DNAAF3: variants seen among roughly 807,000 people sequenced by gnomAD.
DNAAF3 encodes the protein dynein axonemal assembly factor 3, also known as UPF0470 protein C19orf51.
Under a neutral mutation model 50.9 loss-of-function variants are expected in DNAAF3, and 40 were observed. That is an observed-to-expected ratio of 0.79 (90% confidence interval 0.61 to 1.02). The LOEUF is 1.02. DNAAF3 is among the 50% of genes least tolerant of loss of function. The pLI is 0.00. For synonymous variants in DNAAF3, 327 were observed against 322.8 expected, an observed-to-expected ratio of 1.01 and a Z score of -0.14; for missense variants, 763 against 744.7, an observed-to-expected ratio of 1.02 and a Z score of -0.29.
Position 55,165,954 on chromosome 19 carries a change from G to T in DNAAF3, c.132C>A (p.Asn44Lys), listed in dbSNP as rs929924324. Residue 44 changes from asparagine to lysine, a missense_variant, in exon 3 of 12, where the codon AAC becomes AAA. Coordinates refer to ENST00000524407, the MANE Select transcript of DNAAF3 (RefSeq NM_001256715.2). ...CCAGAAGCAGCACATCTAGCTCGGG[G>T]TTGCTGTGCACTGTATCGGCCTGGG... ...PDSQADTVHS[N>K]PELDVLLLGS... 3 of 1,614,108 alleles carry T rather than the reference G, an allele frequency of 1.9e-6. No homozygotes were observed. The African/African-American group carries it at 4.0e-5, about 22-fold the overall frequency.
chr19:55,161,679 G>T lies in DNAAF3; in HGVS notation c.627C>A (p.Ser209Arg), dbSNP rs1486066268. The T allele has an allele frequency of 1.3e-6, 2 of 1,539,730 alleles. No individual in the cohort carries two copies. Among genetic ancestry groups the T allele is most frequent in the South Asian group, 1.2e-5 (1 of 83,912 alleles). Residue 209 changes from serine (S) to arginine (R), a missense_variant, in exon 6 of 12, where the codon AGC becomes AGA. By Grantham distance (110) the Ser-to-Arg change is moderately radical. Transcript: ENST00000524407. The surrounding 1 kb of genome is among the most constrained non-coding windows in gnomAD (Gnocchi z 6.4). ...GSRYDARRGVSDWDLRMKLHD... is the reference protein window; with the variant it reads ...GSRYDARRGVRDWDLRMKLHD... Reference sequence around the variant, plus strand: ...GCAGCTTCATGCGCAGGTCCCAGTCGCTGACACCGCGCCGGGCGTCGTAGC... The same window carrying T: ...GCAGCTTCATGCGCAGGTCCCAGTCTCTGACACCGCGCCGGGCGTCGTAGC...
chr19:55,159,372 A>C lies in DNAAF3; in HGVS notation c.1316T>G (p.Phe439Cys), dbSNP rs1187167786. 6.2e-7 allele frequency: 1 copy of C among 1,614,062 alleles called. No homozygotes were observed. Among genetic ancestry groups the C allele is most frequent in the Non-Finnish European group, 8.5e-7 (1 of 1,180,038 alleles). The change falls in exon 12 of 12, where the codon TTT (phenylalanine) becomes TGT (cysteine). Residue 439 changes from phenylalanine to cysteine, a missense_variant. By Grantham distance (205) the Phe-to-Cys change is radical. Coordinates refer to ENST00000524407, the MANE Select transcript of DNAAF3 (RefSeq NM_001256715.2). ...RVRELAQAAG[F>C]APQTGARPSE... ...AGGCCTGGCCCCGGTCTGTGGAGCAAATCCAGCTGCCTGAGCTAGCTCCCT... is the reference window on the plus strand; with the variant it reads ...AGGCCTGGCCCCGGTCTGTGGAGCACATCCAGCTGCCTGAGCTAGCTCCCT...
chr19:55,163,323 T>TC (rs1348880893), intron 4 of DNAAF3, among the ~76,000 whole-genome samples: 1 of 141,044 alleles, frequency 7.1e-6, no homozygotes, highest in African/African-American at 2.7e-5. Context: ...TTTTTTTTTT[T>TC]TTTTTTTTGT....
At chr19:55,162,418 C>G in intron 4 of DNAAF3, 128 bp from the exon 5 acceptor site, 1 of 1,081,312 alleles carries the variant, frequency 9.2e-7, no homozygotes. Flanking sequence ...CCCACGCATC[C>G]CAAAAACTAC....
intron 4 of DNAAF3, 120 bp from the exon 5 acceptor site, chr19:55,162,410 C>G: frequency 8.9e-7 from 1 of 1,120,766 alleles, no homozygotes. Context: ...GCAAACTCCC[C>G]ACGCATCCCA....
Position 55,160,529 on chromosome 19 carries a change from A to C in DNAAF3, c.1048+111T>G, listed in dbSNP as rs2085802449. On this transcript the variant is annotated intron_variant, in intron 9 of 11. Coordinates refer to ENST00000524407, the MANE Select transcript of DNAAF3 (RefSeq NM_001256715.2). This position sits in a 1 kb window ranked among gnomAD's most constrained non-coding sequence, Gnocchi z 4.7. ...AGAAAGAGAGAAAAAGAGACAGAAT[A>C]TCAAGAAGCCGTCACTTGCCCAGGC... The C allele has an allele frequency of 6.5e-7, 1 of 1,545,058 alleles. No individual in the cohort carries two copies. The highest frequency in any genetic ancestry group is 2.0e-5 in the Admixed American group (1 of 49,474).
rs2085779991 is a variant in DNAAF3 at position 55,159,537 on chromosome 19, C to T, written c.1234G>A (p.Ala412Thr). Residue 412 changes from alanine to threonine, a missense_variant, in exon 11 of 12, where the codon GCC becomes ACC. Transcript: ENST00000524407. ...APGGNLIVEL[A>T]RYLVDVRQEQ... ...CCCTCCACCCCACTGACTCACCGGG[C>T]TAATTCCACAATCAAGTTCCCTCCG... 6.3e-7 allele frequency: 1 copy of T among 1,598,558 alleles called. No homozygotes were observed. The highest frequency in any genetic ancestry group is 8.5e-7 in the Non-Finnish European group (1 of 1,171,864).
At position 55,160,858 on chromosome 19, in the gene DNAAF3, A is replaced by T. The variant is rs1037768455; in HGVS notation, c.913-83T>A. On this transcript the variant is annotated intron_variant, in intron 8 of 11. Coordinates refer to ENST00000524407, the MANE Select transcript of DNAAF3 (RefSeq NM_001256715.2). This position sits in a 1 kb window ranked among gnomAD's most constrained non-coding sequence, Gnocchi z 4.7. ...GAACGCTGGGAGTCCTCGGTCCAGGACTAGAACTCCCGCAGCTGCTTGGAG... is the reference window on the plus strand; with the variant it reads ...GAACGCTGGGAGTCCTCGGTCCAGGTCTAGAACTCCCGCAGCTGCTTGGAG... The T allele has an allele frequency of 8.1e-5, 124 of 1,523,770 alleles. No homozygotes were observed. The highest frequency in any genetic ancestry group is 2.1e-4 in the Admixed American group (9 of 43,384). 94.4% of individuals were successfully genotyped at this position (1,523,770 alleles called of 1,614,324 possible). A position where few individuals can be genotyped will look rare whatever the true frequency, so the allele number is the denominator to read the frequency against.
At position 55,166,595 on chromosome 19, in the gene DNAAF3, A is replaced by T. The variant is rs2085943470; in HGVS notation, c.-77T>A. ...CAGCACTGTGGACCCGCGGCACTCCACAACCGCTGCCCAGAGTCCCCGCCC... is the reference window on the plus strand; with the variant it reads ...CAGCACTGTGGACCCGCGGCACTCCTCAACCGCTGCCCAGAGTCCCCGCCC... On this transcript the variant is annotated 5_prime_UTR_variant, in exon 1 of 12. Transcript: ENST00000524407. This position sits in a 1 kb window ranked among gnomAD's most constrained non-coding sequence, Gnocchi z 4.0. 6.2e-7 allele frequency: 1 copy of T among 1,613,930 alleles called. No individual in the cohort carries two copies. Among genetic ancestry groups the T allele is most frequent in the African/African-American group, 1.3e-5 (1 of 74,892 alleles).
chr19:55,163,645 G>A (rs2085885339), intron 4 of DNAAF3, among the ~76,000 whole-genome samples: 1 of 152,168 alleles, frequency 6.6e-6, no homozygotes, highest in Non-Finnish European at 1.5e-5. Context: ...GGTATCTGCA[G>A]GGGTCCTGGA....
intron 3 of DNAAF3, 75 bp from the exon 4 acceptor site, chr19:55,165,538 C>T: frequency 7.1e-7 from 1 of 1,404,964 alleles, no homozygotes; most frequent in Non-Finnish European, 1.0e-6. Context: ...AGAGCAGGCC[C>T]TCAGCTCTCT....
Position 55,161,804 on chromosome 19 carries a change from C to A in DNAAF3, c.502G>T (p.Glu168Ter). Residue 168 changes from glutamate to a stop codon, truncating the protein, a stop_gained, in exon 6 of 12, where the codon GAG becomes TAG. Coordinates refer to ENST00000524407, the MANE Select transcript of DNAAF3 (RefSeq NM_001256715.2). LOFTEE classifies it high-confidence loss of function. This position sits in a 1 kb window ranked among gnomAD's most constrained non-coding sequence, Gnocchi z 6.4. Reference sequence around the variant, plus strand: ...CCAGCCCAGAAGCGGAATACGGCCTCCAGGGCATCCCGCTCGCGGAACTGC... The same window carrying A: ...CCAGCCCAGAAGCGGAATACGGCCTACAGGGCATCCCGCTCGCGGAACTGC... ...ALKFRERDAL[E>*]AVFRFWAGGE... 6.9e-7 allele frequency: 1 copy of A among 1,449,738 alleles called. No homozygotes were observed. The allele number at this position is 1,449,738 out of a possible 1,614,324, so 89.8% of individuals were successfully genotyped here. A position where few individuals can be genotyped will look rare whatever the true frequency, so the allele number is the denominator to read the frequency against.
Position 55,159,360 on chromosome 19 carries a change from G to A in DNAAF3, c.1328C>T (p.Thr443Ile), listed in dbSNP as rs760679876. 1.2e-5 allele frequency: 20 copies of A among 1,614,182 alleles called. No homozygotes were observed. The highest frequency in any genetic ancestry group is 1.7e-5 in the Non-Finnish European group (20 of 1,180,038). Residue 443 changes from threonine (T) to isoleucine (I), a missense_variant, in exon 12 of 12, where the codon ACC becomes ATC. Transcript: ENST00000524407. ...LAQAAGFAPQ[T>I]GARPSETFAR... ...GAAGGTCTCTGAAGGCCTGGCCCCG[G>A]TCTGTGGAGCAAATCCAGCTGCCTG...
intron 4 of DNAAF3, among the ~76,000 whole-genome samples, chr19:55,163,369 A>C (rs554887489): frequency 3.1e-3 from 415 of 135,792 alleles, no homozygotes; most frequent in South Asian, 9.1e-3. Context: ...CGTGTTAGCC[A>C]GGATGGTCTC....
chr19:55,162,826 G>A, intron 4 of DNAAF3: 3 of 374,418 alleles, frequency 8.0e-6, no homozygotes, highest in Non-Finnish European at 7.3e-6. Context: ...TTTGTTTTGA[G>A]ACAGTGTCTC....
At position 55,166,493 on chromosome 19, in the gene DNAAF3, C is replaced by A; in HGVS notation, c.-5+30G>T. 2 of 1,613,810 alleles carry A rather than the reference C, an allele frequency of 1.2e-6. No homozygotes were observed. The highest frequency in any genetic ancestry group is 4.5e-5 in the East Asian group (2 of 44,868). ...TCTCACCGCCCCTCACTTCTCGCCC[C>A]TTTGCCTCCACATGATACCTTGCCC... is the stretch of plus-strand genomic sequence containing the variant. On this transcript the variant is annotated intron_variant, in intron 1 of 11. Transcript: ENST00000524407. This position sits in a 1 kb window ranked among gnomAD's most constrained non-coding sequence, Gnocchi z 4.0.
chr19:55,163,312 ATT>A (rs34371299), intron 4 of DNAAF3, among the ~76,000 whole-genome samples: 2,195 of 87,182 alleles, frequency 0.025, 147 homozygotes, highest in African/African-American at 0.09. Context: ...CCGGCGGCTA[ATT>A]TTTTTTTTTT....
chr19:55,166,475 G>A lies in DNAAF3; in HGVS notation c.-5+48C>T. On this transcript the variant is annotated intron_variant, in intron 1 of 11. Transcript: ENST00000524407. This position sits in a 1 kb window ranked among gnomAD's most constrained non-coding sequence, Gnocchi z 4.0. ...TTGCCCGCCCCGCTCCCCTCTCACC[G>A]CCCCTCACTTCTCGCCCCTTTGCCT... 4.3e-6 allele frequency: 7 copies of A among 1,612,872 alleles called. No homozygotes were observed. The highest frequency in any genetic ancestry group is 5.9e-6 in the Non-Finnish European group (7 of 1,179,246).
At position 55,161,519 on chromosome 19, in the gene DNAAF3, C is replaced by T. The variant is rs950478767; in HGVS notation, c.664-101G>A. 4 of 1,498,882 alleles carry T rather than the reference C, an allele frequency of 2.7e-6. No individual in the cohort carries two copies. Among genetic ancestry groups the T allele is most frequent in the Non-Finnish European group, 3.6e-6 (4 of 1,126,358 alleles). The allele number at this position is 1,498,882 out of a possible 1,614,324, so 92.8% of individuals were successfully genotyped here. On this transcript the variant is annotated intron_variant, in intron 6 of 11. Transcript: ENST00000524407. This position sits in a 1 kb window ranked among gnomAD's most constrained non-coding sequence, Gnocchi z 6.4. Reference sequence around the variant, plus strand: ...ACCCAGGAGTCCAGGTCCCCAGGCCCTCCTCCCTCAGACCCAGGAGTTCAG... The same window carrying T: ...ACCCAGGAGTCCAGGTCCCCAGGCCTTCCTCCCTCAGACCCAGGAGTTCAG...
Sources: gnomAD v4.1 joint callset for allele counts (sites outside exome capture counted in the v4.1 genomes callset) on GRCh38, gnomAD v4.1.1 for gene constraint, Gnocchi (gnomAD v3.1) non-coding constraint, MANE v1.5 for transcripts, NCBI Gene and HGNC (gene_info 2026-07-23, HGNC 2026-07-21) for gene names.